MRRF: variants seen among roughly 807,000 people sequenced by gnomAD.
The protein encoded by MRRF is mitochondrial ribosome recycling factor.
In MRRF, 18 loss-of-function variants were observed where a neutral mutation model predicts 25.1. The ratio of observed to expected loss-of-function variants is 0.72; its 90% CI spans 0.50 to 1.06. MRRF has a LOEUF of 1.06. MRRF is among the 50% of genes least tolerant of loss of function. MRRF has a pLI of 0.00. For missense variants in MRRF, 323 were observed against 319.3 expected, an observed-to-expected ratio of 1.01 and a Z score of -0.09; for synonymous variants, 113 against 112.1, an observed-to-expected ratio of 1.01 and a Z score of -0.05.
At chr9:122,267,306 G>C (rs895283278) in intron 1 of MRRF, among the ~76,000 whole-genome samples, 4 of 149,964 alleles carry the variant, frequency 2.7e-5, no homozygotes, top group Non-Finnish European at 5.9e-5. Context: ...CCCTGAACCT[G>C]GAAGGCATAG....
intron 5 of MRRF, among the ~76,000 whole-genome samples, chr9:122,311,374 C>T (rs974363548): frequency 6.6e-5 from 10 of 152,178 alleles, no homozygotes; most frequent in Admixed American, 2.6e-4. Context: ...ACTCCACTCT[C>T]CATTTCCTTG....
rs117046798 is a variant in MRRF, at chr9:122,280,900, A to G, written c.340+302A>G. On this transcript the variant is annotated intron_variant, in intron 3 of 6. Transcript: ENST00000344641. Reference sequence around the variant, plus strand: ...GGAACTAGGCATTGTGCTAGTGCATAGTAGTAAACAAAAATAGGTATTGTC... The same window carrying G: ...GGAACTAGGCATTGTGCTAGTGCATGGTAGTAAACAAAAATAGGTATTGTC... Among the ~76,000 whole-genome samples, 98 of 152,382 alleles carry G rather than the reference A, an allele frequency of 6.4e-4. 1 individual carries two copies. In the East Asian group the frequency reaches 0.018, roughly 28 times the overall value.
intron 5 of MRRF, among the ~76,000 whole-genome samples, chr9:122,304,062 AACAC>A (rs66775611): frequency 0.13 from 17,821 of 139,744 alleles, 1,099 homozygotes; most frequent in East Asian, 0.27. Context: ...ACCCTTTTCT[AACAC>A]ACACACACAC....
chr9:122,265,882 G>A, intron 1 of MRRF: 1 of 582,538 alleles, frequency 1.7e-6, no homozygotes, highest in South Asian at 1.5e-5. Context: ...GGTGCATAAT[G>A]ATTCTGTGTA....
intron 2 of MRRF, among the ~76,000 whole-genome samples, chr9:122,278,714 G>A (rs1433921691): frequency 6.6e-6 from 1 of 152,126 alleles, no homozygotes; most frequent in African/African-American, 2.4e-5. Context: ...TTCTGTTGTT[G>A]CTCTTGGAAA....
chr9:122,304,680 C>T (rs1306186598), intron 5 of MRRF, among the ~76,000 whole-genome samples: 4 of 152,188 alleles, frequency 2.6e-5, no homozygotes, highest in Admixed American at 6.5e-5. Flanking sequence ...TAAATTCCCT[C>T]TCTTCTTTCT....
chr9:122,317,476 T>A (rs1053074738), intron 6 of MRRF, among the ~76,000 whole-genome samples: 2 of 152,194 alleles, frequency 1.3e-5, no homozygotes, highest in Non-Finnish European at 2.9e-5. Context: ...ATATATATAA[T>A]AGTAGAAAAC....
intron 2 of MRRF, among the ~76,000 whole-genome samples, chr9:122,272,758 C>T (rs566833432): frequency 6.6e-6 from 1 of 152,088 alleles, no homozygotes; most frequent in African/African-American, 2.4e-5. Context: ...ATTTTTTAGT[C>T]CTTTATTAAT....
intron 5 of MRRF, among the ~76,000 whole-genome samples, chr9:122,292,829 T>C (rs1382606999): frequency 6.6e-6 from 1 of 152,170 alleles, no homozygotes; most frequent in Non-Finnish European, 1.5e-5. Context: ...AGACACATCT[T>C]CTCCGATTCC....
At chr9:122,282,159 A>G (rs1314012772) in intron 3 of MRRF, among the ~76,000 whole-genome samples, 1 of 152,182 alleles carries the variant, frequency 6.6e-6, no homozygotes, top group Non-Finnish European at 1.5e-5. Flanking sequence ...CTCTTTTGCC[A>G]GATTGTTCCG....
Position 122,323,966 on chromosome 9 carries a change from A to C in MRRF, c.*1349A>C, listed in dbSNP as rs1836031207. The C allele has an allele frequency of 6.6e-6, 1 of 152,030 alleles. No homozygotes were observed. The highest frequency in any genetic ancestry group is 2.4e-5 in the African/African-American group (1 of 41,452). The allele number at this position is 152,030 out of a possible 1,614,324, so 9.4% of individuals were successfully genotyped here. A position where few individuals can be genotyped will look rare whatever the true frequency, so the allele number is the denominator to read the frequency against. On this transcript the variant is annotated 3_prime_UTR_variant, in exon 7 of 7. Transcript: ENST00000344641. ...GATGTGCTAATGTAAAAGGAAAAAAACAAACTTTTTTTCCTTTTGTACTTT... is the reference window on the plus strand; with the variant it reads ...GATGTGCTAATGTAAAAGGAAAAAACCAAACTTTTTTTCCTTTTGTACTTT...
Position 122,325,354 on chromosome 9 carries a change from A to G in MRRF, c.*2737A>G, listed in dbSNP as rs1836101496. The stretch of plus-strand genomic sequence containing the variant: ...AGATGATTACTCAATTTCAGTTGAC[A>G]TTTATCAAAGAGTTTCTCTGTGACT... On this transcript the variant is annotated 3_prime_UTR_variant, in exon 7 of 7. Coordinates refer to ENST00000344641, the MANE Select transcript of MRRF (RefSeq NM_138777.5). The G allele has an allele frequency of 6.6e-6, 1 of 152,220 alleles. No homozygotes were observed. Among genetic ancestry groups the G allele is most frequent in the Non-Finnish European group, 1.5e-5 (1 of 68,046 alleles). The allele number at this position is 152,220 out of a possible 1,614,324, so 9.4% of individuals were successfully genotyped here. A position where few individuals can be genotyped will look rare whatever the true frequency, so the allele number is the denominator to read the frequency against.
chr9:122,326,427 GGA>G lies in MRRF; in HGVS notation c.*3816_*3817del, dbSNP rs1836145094. 2.0e-5 allele frequency: 3 copies of G among 151,932 alleles called. No homozygotes were observed. In the South Asian group the frequency reaches 6.2e-4, roughly 32 times the overall value. 9.4% of individuals were successfully genotyped at this position (151,932 alleles called of 1,614,324 possible). A position where few individuals can be genotyped will look rare whatever the true frequency, so the allele number is the denominator to read the frequency against. ...CGCCCGGCCATATAATTTTTTAGAA[GGA>G]GAGAGGGGAACTATTCATATTCTGA... On this transcript the variant is annotated 3_prime_UTR_variant, in exon 7 of 7. Coordinates refer to ENST00000344641, the MANE Select transcript of MRRF (RefSeq NM_138777.5).
At chr9:122,268,319 T>A (rs1388713741) in intron 1 of MRRF, among the ~76,000 whole-genome samples, 3 of 152,244 alleles carry the variant, frequency 2.0e-5, no homozygotes. Flanking sequence ...GATTTCCTGT[T>A]GCTTTGTGAG....
At chr9:122,279,135 T>A (rs1447391676) in intron 2 of MRRF, among the ~76,000 whole-genome samples, 1 of 152,222 alleles carries the variant, frequency 6.6e-6, no homozygotes, top group Non-Finnish European at 1.5e-5. Context: ...CCCCACAAAG[T>A]GCTGGGATTA....
At position 122,283,133 on chromosome 9, in the gene MRRF, G is replaced by T. The variant is rs995794434; in HGVS notation, c.341-2036G>T. The stretch of plus-strand genomic sequence containing the variant: ...TTTGGAGTCAGAGTCTTGCACTGTC[G>T]CCAGGAGTGGAGTGCAATGGCGCGA... On this transcript the variant is annotated intron_variant, in intron 3 of 6. Transcript: ENST00000344641. Among the ~76,000 whole-genome samples the T allele has an allele frequency of 2.7e-5, 4 of 146,166 alleles. No homozygotes were observed. The Admixed American group carries it at 2.8e-4, about 10-fold the overall frequency.
At chr9:122,268,297 C>A (rs750139790) in intron 1 of MRRF, among the ~76,000 whole-genome samples, 2 of 152,170 alleles carry the variant, frequency 1.3e-5, no homozygotes, top group Non-Finnish European at 2.9e-5. Flanking sequence ...TTGTTTATTT[C>A]TAACCCATTT....
At chr9:122,285,865 GC>G (rs1564484703) in intron 4 of MRRF, 1 of 1,285,424 alleles carries the variant, frequency 7.8e-7, no homozygotes, top group South Asian at 1.3e-5. Context: ...AGTATTTGGA[GC>G]AGACCCTCCA....
intron 4 of MRRF, among the ~76,000 whole-genome samples, chr9:122,289,534 G>C (rs2118780922): frequency 6.6e-6 from 1 of 151,924 alleles, no homozygotes; most frequent in South Asian, 2.1e-4. Flanking sequence ...AGGATTGAAA[G>C]ACTTAAGAAT....
Sources: gnomAD v4.1 joint callset for allele counts (sites outside exome capture counted in the v4.1 genomes callset) on GRCh38, gnomAD v4.1.1 for gene constraint, MANE v1.5 for transcripts, NCBI Gene and HGNC (gene_info 2026-07-23, HGNC 2026-07-21) for gene names.